The following SLC71A1 variants were observed in gnomAD, a reference collection of about 807,000 sequenced individuals.
SLC71A1 encodes solute carrier family 71 member 1.
chr1:100,064,700 C>A, the SLC71A1 span, among the ~76,000 whole-genome samples: 2 of 151,322 alleles, frequency 1.3e-5, no homozygotes, highest in African/African-American at 4.9e-5. Flanking sequence ...TACTATAGAT[C>A]AATAGGTTCT....
chr1:100,066,504 G>GT, the SLC71A1 span, among the ~76,000 whole-genome samples: 66 of 151,386 alleles, frequency 4.4e-4, no homozygotes, highest in Non-Finnish European at 5.9e-4. Flanking sequence ...ACATTATGCA[G>GT]TTTTTTTTTC....
chr1:100,077,193 C>A, the SLC71A1 span: 1 of 1,508,452 alleles, frequency 6.6e-7, no homozygotes, highest in African/African-American at 1.4e-5. Context: ...CTTATGAGGT[C>A]AATTGGAAAT....
chr1:100,074,335 G>A, the SLC71A1 span, among the ~76,000 whole-genome samples: 2 of 152,200 alleles, frequency 1.3e-5, no homozygotes, highest in Non-Finnish European at 2.9e-5. Context: ...AGCACTTTGG[G>A]AGGCCAAGGT....
the SLC71A1 span, among the ~76,000 whole-genome samples, chr1:100,067,819 G>A: frequency 2.0e-5 from 3 of 151,852 alleles, no homozygotes; most frequent in East Asian, 1.9e-4. Flanking sequence ...CCCCACTCTC[G>A]CCCCCACAAG....
chr1:100,070,189 G>A, the SLC71A1 span, among the ~76,000 whole-genome samples: 1 of 152,152 alleles, frequency 6.6e-6, no homozygotes, highest in African/African-American at 2.4e-5. Flanking sequence ...GGTCTTAAGG[G>A]CACAGGGGGC....
chr1:100,073,580 T>A, the SLC71A1 span, among the ~76,000 whole-genome samples: 1 of 152,188 alleles, frequency 6.6e-6, no homozygotes, highest in African/African-American at 2.4e-5. Context: ...CACACTGCCC[T>A]GTTTTATTTT....
the SLC71A1 span, among the ~76,000 whole-genome samples, chr1:100,051,320 A>G: frequency 6.6e-6 from 1 of 151,946 alleles, no homozygotes; most frequent in Admixed American, 6.6e-5. Context: ...GAACCCGGGA[A>G]GTGGAGGTTG....
At chr1:100,078,633 A>G in the SLC71A1 span, 1 of 955,588 alleles carries the variant, frequency 1.0e-6, no homozygotes, top group Non-Finnish European at 1.7e-6. Context: ...CTGAAACATA[A>G]GTATATCTTC....
the SLC71A1 span, among the ~76,000 whole-genome samples, chr1:100,076,663 T>C: frequency 6.6e-6 from 1 of 152,228 alleles, no homozygotes; most frequent in Non-Finnish European, 1.5e-5. Context: ...CTGTATAGTA[T>C]ACTGCATTTA....
chr1:100,074,879 GAAA>G, the SLC71A1 span, among the ~76,000 whole-genome samples: 69 of 149,454 alleles, frequency 4.6e-4, no homozygotes, highest in African/African-American at 1.6e-3. Context: ...CGTCTCAAAA[GAAA>G]AAAAAACCCA....
At chr1:100,049,955 T>A in the SLC71A1 span, 1 of 1,611,444 alleles carries the variant, frequency 6.2e-7, no homozygotes, top group Non-Finnish European at 8.5e-7. Flanking sequence ...GTTATCGTCA[T>A]CTTTTTGGAG....
the SLC71A1 span, chr1:100,068,020 T>C: frequency 1.9e-6 from 3 of 1,614,098 alleles, no homozygotes; most frequent in African/African-American, 1.3e-5. Context: ...AGTCCTGCAA[T>C]TGGAGCTTAT....
chr1:100,055,395 G>A, the SLC71A1 span, among the ~76,000 whole-genome samples: 1 of 146,552 alleles, frequency 6.8e-6, no homozygotes, highest in Non-Finnish European at 1.5e-5. Context: ...CTTTGTGTGT[G>A]TGTTTATATT....
the SLC71A1 span, among the ~76,000 whole-genome samples, chr1:100,042,424 A>G: frequency 6.6e-6 from 1 of 152,136 alleles, no homozygotes; most frequent in African/African-American, 2.4e-5. Flanking sequence ...GGAGTCAGCA[A>G]CCGTTTCAAG....
the SLC71A1 span, chr1:100,049,898 G>GGA: frequency 6.7e-7 from 1 of 1,487,848 alleles, no homozygotes; most frequent in East Asian, 2.3e-5. Context: ...AAAAAATCTT[G>GGA]TTTTTTATAG....
the SLC71A1 span, among the ~76,000 whole-genome samples, chr1:100,072,580 TAAA>T: frequency 1.4e-5 from 2 of 143,326 alleles, no homozygotes; most frequent in Admixed American, 6.9e-5. Flanking sequence ...TCCATAATGT[TAAA>T]AAAAAAAAAA....
At chr1:100,066,968 G>A in the SLC71A1 span, among the ~76,000 whole-genome samples, 105 of 115,346 alleles carry the variant, frequency 9.1e-4, 1 homozygote, top group African/African-American at 3.4e-3. Context: ...CAGCCTGGGC[G>A]ACAGAGCGAG....
the SLC71A1 span, chr1:100,068,337 G>T: frequency 1.1e-6 from 1 of 925,098 alleles, no homozygotes; most frequent in Non-Finnish European, 1.7e-6. Context: ...GAATAGTTTG[G>T]GGAATATGAA....
the SLC71A1 span, among the ~76,000 whole-genome samples, chr1:100,040,826 C>T: frequency 6.6e-6 from 1 of 152,072 alleles, no homozygotes; most frequent in Non-Finnish European, 1.5e-5. Flanking sequence ...TTTTTTAATT[C>T]ATCGTATCAT....
Sources: gnomAD v4.1 joint callset for allele counts (sites outside exome capture counted in the v4.1 genomes callset) on GRCh38, gnomAD v4.1.1 for gene constraint, MANE v1.5 for transcripts, NCBI Gene and HGNC (gene_info 2026-07-23, HGNC 2026-07-21) for gene names.